CIDEA: variants seen among roughly 807,000 people sequenced by gnomAD.
CIDEA encodes cell death inducing DFFA like effector a.
CIDEA carries 10 observed loss-of-function variants against 18.2 expected under a neutral mutation model. The observed-to-expected ratio is 0.55, with a 90% CI of 0.34 to 0.93. CIDEA has a LOEUF of 0.93. Ranked by LOEUF, CIDEA falls within the 40% of genes least tolerant of loss-of-function variation. The probability of loss-of-function intolerance (pLI) is 0.02; values close to 1 mark genes in which losing one functional copy is unlikely to be tolerated. For missense variants in CIDEA, 309 were observed against 293.1 expected, an observed-to-expected ratio of 1.05 and a Z score of -0.40; for synonymous variants, 128 against 124.8, an observed-to-expected ratio of 1.03 and a Z score of -0.17.
At chr18:12,261,228 C>CA (rs1217738637) in intron 1 of CIDEA, among the ~76,000 whole-genome samples, 1 of 152,060 alleles carries the variant, frequency 6.6e-6, no homozygotes, top group African/African-American at 2.4e-5. Context: ...ACTAAATATA[C>CA]AAAAAATTAG....
chr18:12,256,022 T>G (rs1219834864), intron 1 of CIDEA, among the ~76,000 whole-genome samples: 2 of 152,206 alleles, frequency 1.3e-5, no homozygotes, highest in African/African-American at 4.8e-5. Context: ...CTACTGTCAT[T>G]CTGTGAAATC....
At chr18:12,272,149 T>TCG (rs1555662635) in intron 3 of CIDEA, among the ~76,000 whole-genome samples, 17 of 7,480 alleles carry the variant, frequency 2.3e-3, no homozygotes, top group African/African-American at 7.8e-3. Context: ...AGTGTGTGTG[T>TCG]GGGGGGGGGG....
chr18:12,260,962 G>C (rs1912173367), intron 1 of CIDEA, among the ~76,000 whole-genome samples: 1 of 152,170 alleles, frequency 6.6e-6, no homozygotes, highest in Non-Finnish European at 1.5e-5. Flanking sequence ...GCTCTGTGGG[G>C]GCATGGGGAT....
In CIDEA at chr18:12,262,814, T is replaced by A. The variant is rs1236349017; in HGVS notation, c.39-11T>A. ...TTTTTAAAAAGTTTTACTTTTCACC[T>A]CCATTTTCAGGCCCCTGACATTTAT... On this transcript the variant is annotated splice_polypyrimidine_tract_variant and intron_variant, in intron 1 of 4. Transcript: ENST00000320477. 1.2e-5 allele frequency: 20 copies of A among 1,607,364 alleles called. No homozygotes were observed. Among genetic ancestry groups the A allele is most frequent in the Non-Finnish European group, 1.7e-5 (20 of 1,174,460 alleles).
At chr18:12,272,247 CTG>C (rs1422092083) in intron 3 of CIDEA, among the ~76,000 whole-genome samples, 1 of 150,838 alleles carries the variant, frequency 6.6e-6, no homozygotes, top group African/African-American at 2.4e-5. Context: ...GAGCCTCACT[CTG>C]TCGCCCAGGC....
chr18:12,265,915 T>A (rs779624005), intron 3 of CIDEA, among the ~76,000 whole-genome samples: 2 of 152,100 alleles, frequency 1.3e-5, no homozygotes, highest in Admixed American at 6.6e-5. Flanking sequence ...AAAATTAGTG[T>A]ACTAAAAATG....
chr18:12,261,440 C>T (rs1912188623), intron 1 of CIDEA, among the ~76,000 whole-genome samples: 1 of 152,226 alleles, frequency 6.6e-6, no homozygotes, highest in African/African-American at 2.4e-5. Flanking sequence ...GGCCCCCCTT[C>T]TAGTGACAGC....
chr18:12,268,466 A>C (rs1224598153), intron 3 of CIDEA, among the ~76,000 whole-genome samples: 3 of 147,386 alleles, frequency 2.0e-5, no homozygotes, highest in Non-Finnish European at 1.5e-5. Flanking sequence ...GCACGATCTC[A>C]GCTCACTGCT....
intron 4 of CIDEA, 71 bp downstream of exon 4, chr18:12,274,345 A>C: frequency 1.4e-6 from 2 of 1,473,866 alleles, no homozygotes; most frequent in South Asian, 2.4e-5. Flanking sequence ...AGCAGTCCCC[A>C]CCCTGTTCCT....
At position 12,275,993 on chromosome 18, in the gene CIDEA, C is replaced by CTTTTTTTT. The variant is rs149108439; in HGVS notation, c.513-1128_513-1127insTTTTTTTT. On this transcript the variant is annotated intron_variant, in intron 4 of 4. Coordinates refer to ENST00000320477, the MANE Select transcript of CIDEA (RefSeq NM_001279.4). ...GTGAAATCTTTTTTCTTTTTCTTTT[C>CTTTTTTTT]TTATTTTTTTTCTTTTTTGAGACGG... is the stretch of plus-strand genomic sequence containing the variant. 3.9e-5 allele frequency among the ~76,000 whole-genome samples: 5 copies of CTTTTTTTT among 129,702 alleles called. 2 individuals carry two copies. The highest frequency in any genetic ancestry group is 8.5e-5 in the African/African-American group (3 of 35,170). The allele number at this position is 129,702 out of a possible 152,430, so 85.1% of individuals were successfully genotyped here.
At chr18:12,265,706 A>G (rs77200534) in intron 3 of CIDEA, among the ~76,000 whole-genome samples, 2,413 of 152,318 alleles carry the variant, frequency 0.016, 67 homozygotes, top group African/African-American at 0.055. Context: ...GGTAACTAGC[A>G]GGAGCTCAGG....
chr18:12,261,089 T>C (rs1379401230), intron 1 of CIDEA, among the ~76,000 whole-genome samples: 3 of 152,192 alleles, frequency 2.0e-5, no homozygotes, highest in East Asian at 3.8e-4. Context: ...TATTTCTGAA[T>C]GTAAAAAAGT....
chr18:12,268,229 C>CTTTTTTTT (rs1491473988), intron 3 of CIDEA, among the ~76,000 whole-genome samples: 1,020 of 72,740 alleles, frequency 0.014, 215 homozygotes, highest in Non-Finnish European at 0.018. Flanking sequence ...CATGCCCGGC[C>CTTTTTTTT]ATTTTTTTTT....
At chr18:12,254,788 T>C (rs1911974412) in intron 1 of CIDEA, 1 of 1,354,176 alleles carries the variant, frequency 7.4e-7, no homozygotes, top group Non-Finnish European at 9.8e-7. Flanking sequence ...GAGGGTCCGG[T>C]CCCAGGAACC....
chr18:12,271,806 C>A (rs1231763618), intron 3 of CIDEA, among the ~76,000 whole-genome samples: 2 of 151,886 alleles, frequency 1.3e-5, no homozygotes, highest in Admixed American at 1.3e-4. Context: ...GACCAGAACG[C>A]TGGAGCAGGA....
At chr18:12,254,926 G>A (rs142714901) in intron 1 of CIDEA, 98 of 1,247,410 alleles carry the variant, frequency 7.9e-5, no homozygotes, top group Non-Finnish European at 9.7e-5. Context: ...TCTCCGAGGG[G>A]AGGCCCCAAC....
intron 3 of CIDEA, among the ~76,000 whole-genome samples, chr18:12,272,159 G>GT (rs1300349256): frequency 7.1e-5 from 1 of 14,158 alleles, no homozygotes; most frequent in Admixed American, 8.0e-4. Context: ...TGGGGGGGGG[G>GT]GGTTGGGGGG....
intron 1 of CIDEA, among the ~76,000 whole-genome samples, chr18:12,256,671 T>C (rs1912044913): frequency 6.6e-6 from 1 of 152,232 alleles, no homozygotes; most frequent in Admixed American, 6.5e-5. Context: ...AGCACATTTT[T>C]CCTTTCCTTG....
In CIDEA at chr18:12,269,031, G is replaced by A. The variant is rs577917165; in HGVS notation, c.330+4578G>A. On this transcript the variant is annotated intron_variant, in intron 3 of 4. Coordinates refer to ENST00000320477, the MANE Select transcript of CIDEA (RefSeq NM_001279.4). ...AGTGGGGTTTCACTATGTTGGCCAG[G>A]CTGGTCTTAAACTTCTGACCTTGTG... is the stretch of plus-strand genomic sequence containing the variant. Among the ~76,000 whole-genome samples the A allele has an allele frequency of 1.7e-3, 252 of 152,198 alleles. 2 individuals are homozygous for A. The highest frequency in any genetic ancestry group is 5.3e-3 in the African/African-American group (220 of 41,514).
Sources: allele counts gnomAD v4.1 joint callset (sites outside exome capture counted in the v4.1 genomes callset), GRCh38; gene constraint gnomAD v4.1.1; transcripts MANE v1.5; gene names NCBI Gene and HGNC (gene_info 2026-07-23, HGNC 2026-07-21).